Variants in SEC16A observed in about 807,000 individuals in gnomAD.
The protein encoded by SEC16A is SEC16 homolog A, endoplasmic reticulum export factor.
In SEC16A, 110 loss-of-function variants were observed where a neutral mutation model predicts 221.9. The ratio of observed to expected loss-of-function variants is 0.50; its 90% CI spans 0.42 to 0.58. SEC16A has a LOEUF of 0.58. Among genes scored for constraint, SEC16A ranks in the 20% least tolerant of loss-of-function variants. The probability of loss-of-function intolerance (pLI) is 0.00; values close to 1 mark genes in which losing one functional copy is unlikely to be tolerated. For missense variants in SEC16A, 3,165 were observed against 3,097.8 expected, an observed-to-expected ratio of 1.02 and a Z score of -0.52; for synonymous variants, 1,393 against 1,257.7, an observed-to-expected ratio of 1.11 and a Z score of -2.28.
chr9:136,454,382 C>A (rs375509541), intron 20 of SEC16A, 55 bp from the exon 21 acceptor site: 1 of 1,445,024 alleles, frequency 6.9e-7, no homozygotes, highest in African/African-American at 1.4e-5. Flanking sequence ...GCTTGAGTTA[C>A]TGGAAGGAGC....
In SEC16A at chr9:136,459,556, C is replaced by T; in HGVS notation, c.5192-1G>A. The T allele has an allele frequency of 6.3e-7, 1 of 1,588,862 alleles. No individual in the cohort carries two copies. The highest frequency in any genetic ancestry group is 8.6e-7 in the Non-Finnish European group (1 of 1,166,788). Reference sequence around the variant, plus strand: ...GCCGCATCCAAGAGGCCCCTTGAAGCTGCGGAGAGACGACACGACACACGG... The same window carrying T: ...GCCGCATCCAAGAGGCCCCTTGAAGTTGCGGAGAGACGACACGACACACGG... On this transcript the variant is annotated splice_acceptor_variant, in intron 15 of 31. Coordinates refer to ENST00000684901, the MANE Select transcript of SEC16A (RefSeq NM_014866.2). LOFTEE classifies it high-confidence loss of function. This position sits in a 1 kb window ranked among gnomAD's most constrained non-coding sequence, Gnocchi z 6.1.
At chr9:136,458,128 G>GTTTT (rs1198585639) in intron 17 of SEC16A, among the ~76,000 whole-genome samples, 1 of 138,418 alleles carries the variant, frequency 7.2e-6, no homozygotes, top group African/African-American at 2.7e-5. Flanking sequence ...GCTAATTTTT[G>GTTTT]TATTTTTTTT....
Position 136,441,587 on chromosome 9 carries a change from A to G in SEC16A, c.*168T>C, listed in dbSNP as rs1260140927. The G allele has an allele frequency of 3.4e-6, 2 of 594,324 alleles. No individual in the cohort carries two copies. Among genetic ancestry groups the G allele is most frequent in the Non-Finnish European group, 6.1e-6 (2 of 328,382 alleles). The allele number at this position is 594,324 out of a possible 1,614,324, so 36.8% of individuals were successfully genotyped here. On this transcript the variant is annotated 3_prime_UTR_variant, in exon 32 of 32. Coordinates refer to ENST00000684901, the MANE Select transcript of SEC16A (RefSeq NM_014866.2). ...GAAAGGATGGTGGAATTAATTTTCA[A>G]AATAATTCATTACGATGGGCGGTGA...
At chr9:136,467,939 G>A (rs1396434498) in intron 5 of SEC16A, among the ~76,000 whole-genome samples, 1 of 152,228 alleles carries the variant, frequency 6.6e-6, no homozygotes, top group Non-Finnish European at 1.5e-5. Context: ...ACGTCGCCAG[G>A]GAGCACCCAG....
chr9:136,477,036 C>A lies in SEC16A; in HGVS notation c.580G>T (p.Gly194Cys), dbSNP rs769986943. Reference sequence around the variant, plus strand: ...GGGGATGCTGCTGGGGTGACCACACCGTCATGTGGGTTTTGCCTGCTCAGG... The same window carrying A: ...GGGGATGCTGCTGGGGTGACCACACAGTCATGTGGGTTTTGCCTGCTCAGG... ...RPLSRQNPHDGVVTPAASPSL... is the reference protein window; with the variant it reads ...RPLSRQNPHDCVVTPAASPSL... Residue 194 changes from glycine (G) to cysteine (C), a missense_variant, in exon 3 of 32, where the codon GGT becomes TGT. Gly to Cys is a radical substitution (Grantham distance 159). Around this residue, in one of 3 missense-constraint regions of SEC16A, gnomAD observed 2,030 missense variants for 1,923.1 expected, o/e 1.06. Transcript: ENST00000684901. 6.2e-6 allele frequency: 10 copies of A among 1,613,678 alleles called. No homozygotes were observed. Among genetic ancestry groups the A allele is most frequent in the Non-Finnish European group, 7.6e-6 (9 of 1,179,890 alleles).
intron 22 of SEC16A, 61 bp downstream of exon 22, chr9:136,453,367 T>G (rs1838139815): frequency 9.8e-6 from 12 of 1,220,726 alleles, no homozygotes; most frequent in Non-Finnish European, 1.5e-5. Flanking sequence ...ACAAGGAGTC[T>G]GGGTGCCCAC....
At chr9:136,473,741 C>T (rs146443764) in intron 3 of SEC16A, among the ~76,000 whole-genome samples, 2 of 152,362 alleles carry the variant, frequency 1.3e-5, no homozygotes, top group African/African-American at 4.8e-5. Context: ...GGGGTGACAG[C>T]AAATGGAGGG....
At position 136,447,829 on chromosome 9, in the gene SEC16A, A is replaced by G; in HGVS notation, c.6447+24T>C. ...TCCCTCCACTCACACCTCACACCCA[A>G]CAGGAACTAGAATGACAATTTACCT... On this transcript the variant is annotated intron_variant, in intron 25 of 31. Coordinates refer to ENST00000684901, the MANE Select transcript of SEC16A (RefSeq NM_014866.2). The surrounding 1 kb of genome is among the most constrained non-coding windows in gnomAD (Gnocchi z 5.5). The G allele has an allele frequency of 6.2e-7, 1 of 1,604,298 alleles. No individual in the cohort carries two copies.
chr9:136,477,639 T>A lies in SEC16A; in HGVS notation c.-24A>T, dbSNP rs1004738852. 6.3e-7 allele frequency: 1 copy of A among 1,576,432 alleles called. No individual in the cohort carries two copies. The highest frequency in any genetic ancestry group is 8.6e-7 in the Non-Finnish European group (1 of 1,161,980). On this transcript the variant is annotated 5_prime_UTR_variant, in exon 3 of 32. Coordinates refer to ENST00000684901, the MANE Select transcript of SEC16A (RefSeq NM_014866.2). ...ATGACTGAACCCTTGCACAAGTCGA[T>A]GCTGCTTACAGAAGGAAGCAGGATA...
intron 22 of SEC16A, among the ~76,000 whole-genome samples, chr9:136,452,972 G>T (rs1441629432): frequency 6.6e-6 from 1 of 151,042 alleles, no homozygotes; most frequent in Non-Finnish European, 1.5e-5. Flanking sequence ...TTGTGAGGCT[G>T]AGGCACAGAA....
In SEC16A at chr9:136,447,258, T is replaced by TGGGAGTGGC; in HGVS notation, c.6657_6665dup (p.Pro2220_Pro2222dup). On this transcript the variant is annotated inframe_insertion, in exon 27 of 32. Transcript: ENST00000684901. This position sits in a 1 kb window ranked among gnomAD's most constrained non-coding sequence, Gnocchi z 5.5. Reference sequence around the variant, plus strand: ...TTGGCACGAACAAGTTAGAAGGAATTGGGAGTGGCGCGAGTGGAGCGACAA... The same window carrying TGGGAGTGGC: ...TTGGCACGAACAAGTTAGAAGGAATTGGGAGTGGCGGGAGTGGCGCGAGTGGAGCGACAA... The TGGGAGTGGC allele has an allele frequency of 6.3e-7, 1 of 1,597,190 alleles. No individual in the cohort carries two copies. Among genetic ancestry groups the TGGGAGTGGC allele is most frequent in the Admixed American group, 1.7e-5 (1 of 57,292 alleles).
intron 1 of SEC16A, among the ~76,000 whole-genome samples, chr9:136,482,611 T>C (rs1842535353): frequency 6.6e-6 from 1 of 152,244 alleles, no homozygotes; most frequent in Admixed American, 6.5e-5. Context: ...GACACGCTCA[T>C]TTGAAAAGTT....
chr9:136,443,770 A>G, intron 31 of SEC16A, 53 bp downstream of exon 31: 2 of 1,312,858 alleles, frequency 1.5e-6, no homozygotes, highest in Non-Finnish European at 2.2e-6. Flanking sequence ...CAGCAGGGTC[A>G]GGTCGTCAGT....
In SEC16A at chr9:136,459,227, T is replaced by C. The variant is rs1179662438; in HGVS notation, c.5316A>G (p.Leu1772=). The part of the protein sequence containing the change: ...LIGSNHSLPF[L]KFATNEAIQR... The stretch of plus-strand genomic sequence containing the variant: ...GGATTGCTTCGTTGGTTGCGAACTT[T>C]AAGAATGGCAAACTGTAGAGGAAGT... Residue 1772 remains leucine, a synonymous_variant, in exon 17 of 32, where the codon TTA becomes TTG. Transcript: ENST00000684901. The surrounding 1 kb of genome is among the most constrained non-coding windows in gnomAD (Gnocchi z 6.1). 9.9e-6 allele frequency: 16 copies of C among 1,613,530 alleles called. No homozygotes were observed. Among genetic ancestry groups the C allele is most frequent in the African/African-American group, 1.3e-5 (1 of 74,916 alleles).
At chr9:136,463,649 C>T in intron 10 of SEC16A, 30 bp downstream of exon 10, 3 of 1,613,622 alleles carry the variant, frequency 1.9e-6, no homozygotes, top group Non-Finnish European at 2.5e-6. Context: ...AGGCCGGGCT[C>T]ACAAAGAAAT....
chr9:136,448,212 A>G (rs1176413223), intron 23 of SEC16A, 51 bp from the exon 24 acceptor site: 4 of 1,519,664 alleles, frequency 2.6e-6, no homozygotes, highest in Non-Finnish European at 1.8e-6. Context: ...GTTCCATGAA[A>G]TAAGCCAGGG....
chr9:136,455,007 T>A (rs1350310081), intron 20 of SEC16A, among the ~76,000 whole-genome samples: 1 of 152,046 alleles, frequency 6.6e-6, no homozygotes, highest in Admixed American at 6.5e-5. Flanking sequence ...GTGGCCACCG[T>A]GAGGACCCTG....
At chr9:136,457,263 C>G (rs1432242617) in intron 18 of SEC16A, among the ~76,000 whole-genome samples, 181 bp downstream of exon 18, 6 of 152,250 alleles carry the variant, frequency 3.9e-5, no homozygotes, top group Admixed American at 3.3e-4. Flanking sequence ...CCTGAGAGTT[C>G]CCAGGCTAAG....
Position 136,475,062 on chromosome 9 carries a change from A to G in SEC16A, c.2554T>C (p.Ser852Pro). The G allele has an allele frequency of 6.2e-7, 1 of 1,613,610 alleles. No individual in the cohort carries two copies. The highest frequency in any genetic ancestry group is 8.5e-7 in the Non-Finnish European group (1 of 1,179,844). Residue 852 changes from serine to proline, a missense_variant, in exon 3 of 32, where the codon TCT becomes CCT. Around this residue, in one of 3 missense-constraint regions of SEC16A, gnomAD observed 2,030 missense variants for 1,923.1 expected, o/e 1.06. Coordinates refer to ENST00000684901, the MANE Select transcript of SEC16A (RefSeq NM_014866.2). The surrounding 1 kb of genome is among the most constrained non-coding windows in gnomAD (Gnocchi z 5.0). ...PINFSVSLSN[S>P]HEKNQSWREA... ...CTCCAGGACTGATTCTTCTCATGAG[A>G]GTTCGATAAGGACACAGAAAAGTTA...
Sources: gnomAD v4.1 joint callset for allele counts (sites outside exome capture counted in the v4.1 genomes callset) on GRCh38, gnomAD v4.1.1 for gene constraint, gnomAD v4.1.1 regional missense constraint, Gnocchi (gnomAD v3.1) non-coding constraint, MANE v1.5 for transcripts, NCBI Gene and HGNC (gene_info 2026-07-23, HGNC 2026-07-21) for gene names.